Variants in DOCK7 observed in about 807,000 individuals in gnomAD.
DOCK7 encodes the protein dedicator of cytokinesis 7, also known as dedicator of cytokinesis protein 7.
In DOCK7, 138 loss-of-function variants were observed where a neutral mutation model predicts 271.0. That is an observed-to-expected ratio of 0.51 (90% CI 0.44 to 0.59). The LOEUF (loss-of-function observed/expected upper bound fraction) is 0.59, where lower values mean the gene tolerates loss of function less well. Ranked by LOEUF, DOCK7 falls within the 20% of genes least tolerant of loss-of-function variation. The pLI is 0.00. For synonymous variants in DOCK7, 823 were observed against 876.1 expected (o/e 0.94, Z 1.07); for missense variants, 2,066 against 2,592.4 (o/e 0.80, Z 4.41).
chr1:62,616,822 G>A (rs983453821), intron 14 of DOCK7, among the ~76,000 whole-genome samples: 14 of 151,718 alleles, frequency 9.2e-5, no homozygotes, highest in African/African-American at 1.7e-4. Context: ...AAAATAAGAC[G>A]CAAAAGATTA....
chr1:62,631,795 G>C (rs1654660602), intron 10 of DOCK7, among the ~76,000 whole-genome samples: 1 of 152,190 alleles, frequency 6.6e-6, no homozygotes, highest in Non-Finnish European at 1.5e-5. Flanking sequence ...AAAGATGGAA[G>C]TAGCTGAGCA....
chr1:62,473,956 A>T, intron 48 of DOCK7, 26 bp downstream of exon 48: 1 of 1,584,492 alleles, frequency 6.3e-7, no homozygotes. Context: ...CAATTTGAAG[A>T]TCTTTACGCA....
chr1:62,604,981 T>C (rs1293467894), intron 14 of DOCK7: 4 of 666,886 alleles, frequency 6.0e-6, no homozygotes, highest in Non-Finnish European at 7.6e-6. Flanking sequence ...CACATAACCT[T>C]AAAGAATACC....
intron 37 of DOCK7, among the ~76,000 whole-genome samples, chr1:62,498,125 T>TC (rs1646676148): frequency 6.6e-6 from 1 of 151,824 alleles, no homozygotes; most frequent in South Asian, 2.1e-4. Flanking sequence ...ATGCGTGTAG[T>TC]CCCAGCTACT....
intron 27 of DOCK7, among the ~76,000 whole-genome samples, chr1:62,539,203 C>T (rs1645446425): frequency 6.6e-6 from 1 of 152,066 alleles, no homozygotes; most frequent in South Asian, 2.1e-4. Flanking sequence ...TACAGAAGTC[C>T]ACTCGGTATA....
intron 28 of DOCK7, 114 bp downstream of exon 28, chr1:62,537,777 A>C (rs575736933): frequency 2.1e-6 from 2 of 948,036 alleles, no homozygotes; most frequent in South Asian, 4.0e-5. Context: ...CAAAGCACTA[A>C]GAACTGAGCC....
intron 14 of DOCK7, chr1:62,604,813 A>G: frequency 6.2e-7 from 1 of 1,612,850 alleles, no homozygotes; most frequent in South Asian, 1.1e-5. Context: ...GAAAGCTTTG[A>G]ATGAACTGAG....
At chr1:62,669,888 G>A (rs1180426636) in intron 1 of DOCK7, among the ~76,000 whole-genome samples, 2 of 152,268 alleles carry the variant, frequency 1.3e-5, no homozygotes, top group African/African-American at 4.8e-5. Context: ...GAGGTGTGGA[G>A]GGAGAGACAC....
chr1:62,489,435 C>T (rs773590183), intron 41 of DOCK7, among the ~76,000 whole-genome samples: 19 of 152,030 alleles, frequency 1.2e-4, no homozygotes, highest in East Asian at 3.9e-4. Context: ...GGCGACAGAG[C>T]GAGACTCCAT....
chr1:62,648,358 A>C (rs1415096557), intron 5 of DOCK7, 40 bp from the exon 6 acceptor site: 1 of 1,427,730 alleles, frequency 7.0e-7, no homozygotes, highest in Non-Finnish European at 9.2e-7. Context: ...ATTAATTAAT[A>C]AATTGACAAC....
At chr1:62,652,460 T>G (rs1657506117) in intron 4 of DOCK7, among the ~76,000 whole-genome samples, 1 of 152,130 alleles carries the variant, frequency 6.6e-6, no homozygotes, top group Admixed American at 6.6e-5. Flanking sequence ...ACTCTATTTT[T>G]TGGTTTGTGG....
At chr1:62,587,590 C>A (rs954025945) in intron 14 of DOCK7, among the ~76,000 whole-genome samples, 21 of 152,024 alleles carry the variant, frequency 1.4e-4, no homozygotes, top group African/African-American at 5.1e-4. Context: ...AGAATGATTA[C>A]ACAAAATTAT....
chr1:62,526,793 A>C (rs1269554063), intron 31 of DOCK7, among the ~76,000 whole-genome samples: 1 of 152,196 alleles, frequency 6.6e-6, no homozygotes, highest in Non-Finnish European at 1.5e-5. Context: ...AACCTCAAAA[A>C]CTTATGCTTA....
At chr1:62,678,277 A>C (rs899769308) in intron 1 of DOCK7, among the ~76,000 whole-genome samples, 2 of 152,260 alleles carry the variant, frequency 1.3e-5, no homozygotes, top group Non-Finnish European at 2.9e-5. Flanking sequence ...GTCAGTTATA[A>C]GGATTGAAAA....
At position 62,557,127 on chromosome 1, in the gene DOCK7, T is replaced by C. The variant is rs762956035; in HGVS notation, c.2432-1138A>G. Among the ~76,000 whole-genome samples, 116 of 151,104 alleles carry C rather than the reference T, an allele frequency of 7.7e-4. 1 individual carries two copies. The highest frequency in any genetic ancestry group is 6.8e-3 in the Middle Eastern group (2 of 294). On this transcript the variant is annotated intron_variant, in intron 20 of 49. Transcript: ENST00000635253. Reference sequence around the variant, plus strand: ...GTTGACCAGGCTGGTCTGGAACTCCTAGCTTCAGGCAGTCCTCCCATCTTG... The same window carrying C: ...GTTGACCAGGCTGGTCTGGAACTCCCAGCTTCAGGCAGTCCTCCCATCTTG...
rs1200778243 is a variant in DOCK7 at position 62,625,350 on chromosome 1, C to T, written c.1334G>A (p.Arg445Gln). 4.3e-6 allele frequency: 7 copies of T among 1,613,384 alleles called. No homozygotes were observed. The highest frequency in any genetic ancestry group is 1.1e-5 in the South Asian group (1 of 90,980). ...ERRNSSIVGRRSLERTTSGDD... is the reference protein window; with the variant it reads ...ERRNSSIVGRQSLERTTSGDD... ...TCCACTTGTTGTCCTTTCAAGTGAT[C>T]GTCTGCCAACAATACTAGAATTCCT... Residue 445 changes from arginine (R) to glutamine (Q), a missense_variant, in exon 12 of 50, where the codon CGA (arginine) becomes CAA (glutamine). Arg to Gln is a conservative substitution (Grantham distance 43, BLOSUM62 1). Transcript: ENST00000635253.
chr1:62,492,758 A>G lies in DOCK7; in HGVS notation c.5307T>C (p.Phe1769=), dbSNP rs139605324. 2.7e-5 allele frequency: 44 copies of G among 1,614,180 alleles called. No individual in the cohort carries two copies. The African/African-American group carries it at 5.3e-4, about 20-fold the overall frequency. ...DEEGICSGKY[F]TESGLVGLLE... is the part of the protein sequence containing the mutation. ...GTAATCCCACAAGTCCTGACTCAGT[A>G]AAGTATTTTCCAGAGCAGATACCTT... is the stretch of plus-strand genomic sequence containing the variant. Residue 1769 remains phenylalanine (F), a synonymous_variant, in exon 41 of 50, where the codon TTT becomes TTC. Transcript: ENST00000635253.
intron 18 of DOCK7, among the ~76,000 whole-genome samples, chr1:62,572,166 C>T (rs12116574): frequency 0.33 from 50,772 of 152,032 alleles, 8,645 homozygotes; most frequent in South Asian, 0.42. Flanking sequence ...CAACCTAGAT[C>T]GGCTGTCACA....
At chr1:62,609,832 T>A (rs774071555) in intron 14 of DOCK7, among the ~76,000 whole-genome samples, 1 of 151,996 alleles carries the variant, frequency 6.6e-6, no homozygotes, top group Non-Finnish European at 1.5e-5. Flanking sequence ...AGCTCTTGAC[T>A]CAGAATTCTT....
Sources: allele counts gnomAD v4.1 joint callset (sites outside exome capture counted in the v4.1 genomes callset), GRCh38; gene constraint gnomAD v4.1.1; transcripts MANE v1.5; gene names NCBI Gene and HGNC (gene_info 2026-07-23, HGNC 2026-07-21).